The following ZFYVE26 variants were observed in gnomAD, a reference collection of about 807,000 sequenced individuals.
ZFYVE26 encodes the protein zinc finger FYVE-type containing 26, also known as zinc finger FYVE domain-containing protein 26.
ZFYVE26 carries 181 observed loss-of-function variants against 276.5 expected under a neutral mutation model. The observed-to-expected ratio is 0.65, with a 90% CI of 0.58 to 0.74. The LOEUF is 0.74. ZFYVE26 is among the 30% of genes least tolerant of loss of function. The pLI is 0.00. For synonymous variants in ZFYVE26, 1,129 were observed against 1,203.1 expected (o/e 0.94, Z 1.27); for missense variants, 2,821 against 3,097.9 (o/e 0.91, Z 2.12).
chr14:67,758,675 G>C (rs981923533), intron 35 of ZFYVE26, among the ~76,000 whole-genome samples: 1 of 151,800 alleles, frequency 6.6e-6, no homozygotes, highest in South Asian at 2.1e-4. Context: ...TTACTCTGTC[G>C]CCCAGGCTGG....
At chr14:67,813,871 G>T in intron 3 of ZFYVE26, 115 bp downstream of exon 3, 2 of 779,542 alleles carry the variant, frequency 2.6e-6, no homozygotes, top group Non-Finnish European at 4.5e-6. Flanking sequence ...CTTTGAGAAT[G>T]AGTATGATGA....
At chr14:67,765,444 G>A (rs986685194) in intron 32 of ZFYVE26, among the ~76,000 whole-genome samples, 2 of 152,126 alleles carry the variant, frequency 1.3e-5, no homozygotes, top group African/African-American at 4.8e-5. Flanking sequence ...CGTGAAGCTG[G>A]GATTTGCTGT....
chr14:67,767,178 C>T lies in ZFYVE26; in HGVS notation c.5790+526G>A, dbSNP rs375873481. Reference sequence around the variant, plus strand: ...GCTAAATTAATATTCCTAAAGCACACTTGGAAACCTTTCATAGGCCCTTGA... The same window carrying T: ...GCTAAATTAATATTCCTAAAGCACATTTGGAAACCTTTCATAGGCCCTTGA... On this transcript the variant is annotated intron_variant, in intron 31 of 41. Transcript: ENST00000347230. Among the ~76,000 whole-genome samples, 30 of 152,264 alleles carry T rather than the reference C, an allele frequency of 2.0e-4. No individual in the cohort carries two copies. The East Asian group carries it at 5.6e-3, about 28-fold the overall frequency.
At chr14:67,779,831 G>A (rs2039448268) in intron 23 of ZFYVE26, among the ~76,000 whole-genome samples, 1 of 152,118 alleles carries the variant, frequency 6.6e-6, no homozygotes, top group Non-Finnish European at 1.5e-5. Flanking sequence ...TACTTATCTG[G>A]ATTTTGGCAA....
chr14:67,729,128 A>C, intron 14 of ZFYVE26: 1 of 1,524,482 alleles, frequency 6.6e-7, no homozygotes, highest in South Asian at 1.1e-5. Context: ...TTGCTGCAGG[A>C]GATAAGCTGT....
chr14:67,808,671 T>C (rs1490696672), intron 4 of ZFYVE26, among the ~76,000 whole-genome samples: 3 of 152,240 alleles, frequency 2.0e-5, no homozygotes, highest in Middle Eastern at 3.4e-3. Flanking sequence ...TGCAAGACCA[T>C]GAGTCCTTTA....
downstream of ZFYVE26, among the ~76,000 whole-genome samples, chr14:67,741,860 A>G (rs2038418144): frequency 6.6e-6 from 1 of 152,196 alleles, no homozygotes; most frequent in Non-Finnish European, 1.5e-5. Flanking sequence ...TCCCATGACA[A>G]AGACTACACC....
chr14:67,770,559 G>A (rs987421143), intron 28 of ZFYVE26: 2 of 151,154 alleles, frequency 1.3e-5, no homozygotes, highest in Admixed American at 6.6e-5. Context: ...AATTCAGAAT[G>A]TCTCATCAGT....
intron 27 of ZFYVE26, 108 bp from the exon 28 acceptor site, chr14:67,772,318 T>C (rs1181687736): frequency 8.8e-6 from 11 of 1,255,620 alleles, no homozygotes; most frequent in Non-Finnish European, 1.2e-5. Context: ...ATTGAAAGAA[T>C]AGATCCAGTT....
At chr14:67,790,987 C>A (rs1272954216) in intron 14 of ZFYVE26, among the ~76,000 whole-genome samples, 2 of 152,030 alleles carry the variant, frequency 1.3e-5, no homozygotes, top group African/African-American at 4.8e-5. Context: ...AGAAAATAGG[C>A]AAAAGATGTG....
intron 10 of ZFYVE26, chr14:67,799,505 C>G (rs1233262220): frequency 1.9e-6 from 3 of 1,600,298 alleles, no homozygotes; most frequent in South Asian, 1.1e-5. Flanking sequence ...ACAAAAGGAT[C>G]GGCAAAAGGA....
intron 3 of ZFYVE26, among the ~76,000 whole-genome samples, chr14:67,812,091 T>C (rs529970400): frequency 1.3e-5 from 2 of 152,132 alleles, no homozygotes. Flanking sequence ...TGTACTTTTT[T>C]CTAAACTGCC....
chr14:67,758,115 C>T (rs996648450), intron 35 of ZFYVE26, among the ~76,000 whole-genome samples: 10 of 152,134 alleles, frequency 6.6e-5, no homozygotes, highest in East Asian at 1.9e-4. Context: ...GAGTAATTAA[C>T]GGAGAGTCAA....
rs932205410 is a variant in ZFYVE26 at position 67,766,199 on chromosome 14, A to G, written c.6011+28T>C. The stretch of plus-strand genomic sequence containing the variant: ...AGCTGGCTAGAAACTGCTCCTGTGT[A>G]AAAGAATAGAGACCCACTGCCCTCT... On this transcript the variant is annotated intron_variant, in intron 32 of 41. Coordinates refer to ENST00000347230, the MANE Select transcript of ZFYVE26 (RefSeq NM_015346.4). The G allele has an allele frequency of 3.1e-6, 5 of 1,609,344 alleles. No individual in the cohort carries two copies. In the East Asian group the frequency reaches 6.7e-5, roughly 22 times the overall value.
rs1367429721 is a variant in ZFYVE26, at chr14:67,786,036, A to G, written c.3140-14T>C. The G allele has an allele frequency of 1.2e-6, 2 of 1,614,188 alleles. No individual in the cohort carries two copies. Among genetic ancestry groups the G allele is most frequent in the Non-Finnish European group, 1.7e-6 (2 of 1,180,032 alleles). On this transcript the variant is annotated splice_polypyrimidine_tract_variant and intron_variant, in intron 17 of 41. Transcript: ENST00000347230. ...CTTCCACACTCTCTATGGAAAGCAA[A>G]TGAGAAAGAAAAAGTAAAGTCTGTT...
Position 67,755,968 on chromosome 14 carries a change from C to T in ZFYVE26, c.6766G>A (p.Glu2256Lys). ...QKKNYYHILY[E>K]LQQFMKDQVR... ...ATTACCTTCATAAACTGCTGCAGCT[C>T]ATACAGAATGTGGTAGTAGTTCTTC... is the stretch of plus-strand genomic sequence containing the variant. Residue 2256 changes from glutamate to lysine, a missense_variant, in exon 36 of 42, where the codon GAG (glutamate) becomes AAG (lysine). Physicochemically the swap from Glu to Lys is moderately conservative, Grantham distance 56. Coordinates refer to ENST00000347230, the MANE Select transcript of ZFYVE26 (RefSeq NM_015346.4). The T allele has an allele frequency of 6.2e-7, 1 of 1,614,236 alleles. No individual in the cohort carries two copies. Among genetic ancestry groups the T allele is most frequent in the Non-Finnish European group, 8.5e-7 (1 of 1,180,050 alleles).
intron 35 of ZFYVE26, among the ~76,000 whole-genome samples, chr14:67,757,996 C>T (rs1158708309): frequency 2.0e-5 from 3 of 152,118 alleles, no homozygotes; most frequent in Admixed American, 6.6e-5. Context: ...ATTACAGAAA[C>T]GAGCCACCCT....
intron 15 of ZFYVE26, among the ~76,000 whole-genome samples, chr14:67,790,159 T>C (rs1432513231): frequency 6.6e-6 from 1 of 152,264 alleles, no homozygotes; most frequent in East Asian, 1.9e-4. Flanking sequence ...AACTGAGACC[T>C]GTGAATTCTA....
intron 22 of ZFYVE26, 41 bp from the exon 23 acceptor site, chr14:67,780,386 T>G: frequency 3.3e-6 from 5 of 1,532,004 alleles, no homozygotes; most frequent in Non-Finnish European, 3.6e-6. Flanking sequence ...ACACTGCAGC[T>G]TCTCCCTCCA....
Sources: gnomAD v4.1 joint callset for allele counts (sites outside exome capture counted in the v4.1 genomes callset) on GRCh38, gnomAD v4.1.1 for gene constraint, MANE v1.5 for transcripts, NCBI Gene and HGNC (gene_info 2026-07-23, HGNC 2026-07-21) for gene names.